The following GALNT7 variants were observed in gnomAD, a reference collection of about 807,000 sequenced individuals.
GALNT7 encodes N-acetylgalactosaminyltransferase 7.
In GALNT7, 60 loss-of-function variants were observed where a neutral mutation model predicts 82.1. The observed-to-expected ratio is 0.73, with a 90% confidence interval of 0.59 to 0.91. The LOEUF is 0.91. GALNT7 is among the 40% of genes least tolerant of loss of function. GALNT7 has a pLI of 0.00. For missense variants in GALNT7, 660 were observed against 804.2 expected (o/e 0.82, Z 2.17); for synonymous variants, 243 against 275.1 (o/e 0.88, Z 1.15).
intron 8 of GALNT7, among the ~76,000 whole-genome samples, chr4:173,311,691 A>G (rs1737391286): frequency 6.6e-6 from 1 of 152,210 alleles, no homozygotes; most frequent in South Asian, 2.1e-4. Flanking sequence ...GATCCACCCC[A>G]TGAACCAGTC....
chr4:173,252,044 A>C (rs1365727950), intron 2 of GALNT7, among the ~76,000 whole-genome samples: 1 of 152,202 alleles, frequency 6.6e-6, no homozygotes, highest in Non-Finnish European at 1.5e-5. Flanking sequence ...TTTCTAAGTA[A>C]AATTATTTAT....
At chr4:173,232,664 A>G (rs1734069024) in intron 1 of GALNT7, among the ~76,000 whole-genome samples, 1 of 151,970 alleles carries the variant, frequency 6.6e-6, no homozygotes, top group Non-Finnish European at 1.5e-5. Flanking sequence ...TCAAACTCCT[A>G]CCCTCAAGAG....
intron 1 of GALNT7, among the ~76,000 whole-genome samples, chr4:173,202,860 C>T (rs1732982289): frequency 6.6e-6 from 1 of 152,084 alleles, no homozygotes; most frequent in East Asian, 1.9e-4. Context: ...ATGTTAAGTG[C>T]ATATATATTT....
At chr4:173,287,002 G>C (rs769563442) in intron 2 of GALNT7, among the ~76,000 whole-genome samples, 1 of 152,216 alleles carries the variant, frequency 6.6e-6, no homozygotes, top group African/African-American at 2.4e-5. Flanking sequence ...GGACAGAGGA[G>C]AGTGTTATTT....
chr4:173,218,864 T>A (rs1181636475), intron 1 of GALNT7, among the ~76,000 whole-genome samples: 2 of 152,194 alleles, frequency 1.3e-5, no homozygotes, highest in Admixed American at 1.3e-4. Context: ...CTGGGTTTCC[T>A]CTCATACTGT....
rs1736989065 is a variant in GALNT7 at position 173,302,648 on chromosome 4, A to G, written c.1266+484A>G. 6.6e-6 allele frequency among the ~76,000 whole-genome samples: 1 copy of G among 152,114 alleles called. No homozygotes were observed. The highest frequency in any genetic ancestry group is 1.9e-4 in the East Asian group (1 of 5,182). On this transcript the variant is annotated intron_variant, in intron 7 of 11. Transcript: ENST00000265000. The surrounding 1 kb of genome is among the most constrained non-coding windows in gnomAD (Gnocchi z 4.2). ...CTGTTGTTGAAGCAGTCTGGGAGCA[A>G]TACTATCTTCCATGCTCCAGCCCCC... is the stretch of plus-strand genomic sequence containing the variant.
chr4:173,241,942 TA>T (rs1163894523), intron 1 of GALNT7, among the ~76,000 whole-genome samples: 2 of 152,166 alleles, frequency 1.3e-5, no homozygotes, highest in Non-Finnish European at 2.9e-5. Context: ...AGTCTTGAGA[TA>T]AAAATAAAAG....
At chr4:173,280,880 C>T (rs755103052) in intron 2 of GALNT7, among the ~76,000 whole-genome samples, 1 of 152,168 alleles carries the variant, frequency 6.6e-6, no homozygotes, top group Non-Finnish European at 1.5e-5. Flanking sequence ...GTGCTCTACC[C>T]AGTGGCTTCA....
At chr4:173,317,509 C>A in intron 9 of GALNT7, 125 bp from the exon 10 acceptor site, 1 of 650,124 alleles carries the variant, frequency 1.5e-6, no homozygotes. Flanking sequence ...AATAACCTGT[C>A]ACTACACATA....
At chr4:173,227,370 C>T (rs1388620676) in intron 1 of GALNT7, among the ~76,000 whole-genome samples, 1 of 152,240 alleles carries the variant, frequency 6.6e-6, no homozygotes, top group South Asian at 2.1e-4. Context: ...CTCGCTCTGT[C>T]GCCCAGGCTG....
intron 1 of GALNT7, among the ~76,000 whole-genome samples, chr4:173,202,449 C>G (rs569518176): frequency 6.6e-6 from 1 of 152,130 alleles, no homozygotes; most frequent in Non-Finnish European, 1.5e-5. Flanking sequence ...GAGAAATCAC[C>G]GAAATGGGGA....
intron 8 of GALNT7, among the ~76,000 whole-genome samples, chr4:173,304,775 C>T (rs1165469138): frequency 6.6e-6 from 1 of 151,850 alleles, no homozygotes; most frequent in African/African-American, 2.4e-5. Context: ...TAATATCATG[C>T]AGTGTTTGTC....
intron 2 of GALNT7, among the ~76,000 whole-genome samples, chr4:173,282,850 T>C (rs1466666615): frequency 2.0e-5 from 3 of 152,178 alleles, no homozygotes; most frequent in East Asian, 3.9e-4. Context: ...TCTGTTAAGA[T>C]TGGGTGTATG....
chr4:173,201,238 AAT>A (rs143612302), intron 1 of GALNT7, among the ~76,000 whole-genome samples: 1,946 of 152,190 alleles, frequency 0.013, 35 homozygotes, highest in East Asian at 0.056. Context: ...TATTTTAAAA[AAT>A]AGTGTTTTAC....
chr4:173,271,649 G>C (rs1233596231), intron 2 of GALNT7, among the ~76,000 whole-genome samples: 1 of 151,964 alleles, frequency 6.6e-6, no homozygotes, highest in Non-Finnish European at 1.5e-5. Flanking sequence ...TATAGATGGG[G>C]TTTCACCACA....
intron 1 of GALNT7, among the ~76,000 whole-genome samples, chr4:173,176,496 T>C (rs2126620716): frequency 6.6e-6 from 1 of 152,366 alleles, no homozygotes; most frequent in East Asian, 1.9e-4. Context: ...TTGCTTAAAG[T>C]GTATTTTCCT....
chr4:173,270,495 C>T (rs894657709), intron 2 of GALNT7, among the ~76,000 whole-genome samples: 2 of 152,138 alleles, frequency 1.3e-5, no homozygotes, highest in Admixed American at 6.5e-5. Context: ...TGAAGGCTTT[C>T]GTATTCAAGA....
intron 1 of GALNT7, among the ~76,000 whole-genome samples, chr4:173,173,796 A>G (rs987597616): frequency 6.6e-6 from 1 of 152,212 alleles, no homozygotes; most frequent in Non-Finnish European, 1.5e-5. Flanking sequence ...CAGGGTGTAT[A>G]TAATAGGACT....
intron 2 of GALNT7, among the ~76,000 whole-genome samples, chr4:173,287,560 T>C (rs1460172295): frequency 6.6e-6 from 1 of 152,244 alleles, no homozygotes; most frequent in Non-Finnish European, 1.5e-5. Flanking sequence ...TGACCCAAGA[T>C]GGAGGGAAAG....
Sources: gnomAD v4.1 joint callset for allele counts (sites outside exome capture counted in the v4.1 genomes callset) on GRCh38, gnomAD v4.1.1 for gene constraint, Gnocchi (gnomAD v3.1) non-coding constraint, MANE v1.5 for transcripts, NCBI Gene and HGNC (gene_info 2026-07-23, HGNC 2026-07-21) for gene names.